GRIA4: variants seen among roughly 807,000 people sequenced by gnomAD.
GRIA4 encodes glutamate receptor 4.
In GRIA4, 34 loss-of-function variants were observed where a neutral mutation model predicts 104.0. That is an observed-to-expected ratio of 0.33 (90% CI 0.25 to 0.44). GRIA4 has a LOEUF of 0.44. Among genes scored for constraint, GRIA4 ranks in the 20% least tolerant of loss-of-function variants. The probability of loss-of-function intolerance (pLI) is 1.00; values close to 1 mark genes in which losing one functional copy is unlikely to be tolerated. For synonymous variants in GRIA4, 386 were observed against 381.9 expected (o/e 1.01, Z -0.13); for missense variants, 750 against 1,096.5 (o/e 0.68, Z 4.46).
chr11:105,935,495 GAATATAT>G (rs1948007547), intron 14 of GRIA4, among the ~76,000 whole-genome samples: 1 of 152,140 alleles, frequency 6.6e-6, no homozygotes, highest in Non-Finnish European at 1.5e-5. Flanking sequence ...GCAATATGAA[GAATATAT>G]AATTTCAATG....
At chr11:105,865,601 A>C (rs557187350) in intron 5 of GRIA4, among the ~76,000 whole-genome samples, 1 of 152,302 alleles carries the variant, frequency 6.6e-6, no homozygotes, top group Non-Finnish European at 1.5e-5. Context: ...AGCTGGAATC[A>C]AAAGAACCGT....
chr11:105,881,233 C>T (rs142742877), intron 5 of GRIA4, among the ~76,000 whole-genome samples: 22 of 152,244 alleles, frequency 1.4e-4, no homozygotes, highest in African/African-American at 4.1e-4. Flanking sequence ...CAACTCCTCT[C>T]AGGAATTGTA....
intron 10 of GRIA4, among the ~76,000 whole-genome samples, chr11:105,910,863 G>A (rs2033155468): frequency 6.6e-6 from 1 of 151,942 alleles, no homozygotes; most frequent in African/African-American, 2.4e-5. Context: ...ACATGCCAAA[G>A]GTCAACCACC....
intron 4 of GRIA4, among the ~76,000 whole-genome samples, chr11:105,792,582 C>T (rs1337233433): frequency 6.6e-6 from 1 of 152,018 alleles, no homozygotes; most frequent in Non-Finnish European, 1.5e-5. Context: ...CATGCCTTAC[C>T]TTTATATTAG....
At chr11:105,908,089 G>T (rs962019698) in intron 9 of GRIA4, among the ~76,000 whole-genome samples, 5 of 152,110 alleles carry the variant, frequency 3.3e-5, no homozygotes, top group African/African-American at 1.2e-4. Flanking sequence ...ACTTTGAGTA[G>T]AACAGGAGCT....
chr11:105,669,050 G>T lies in GRIA4; in HGVS notation c.247+56616G>T, dbSNP rs140991779. Among the ~76,000 whole-genome samples the T allele has an allele frequency of 2.3e-4, 35 of 151,988 alleles. No individual in the cohort carries two copies. The East Asian group carries it at 6.6e-3, about 29-fold the overall frequency. ...CTTAGAGTGCATACCTTTCAGCAGT[G>T]TGTGCAGAAAAGTTGAAGTCATTTT... On this transcript the variant is annotated intron_variant, in intron 3 of 16. Transcript: ENST00000282499.
chr11:105,887,745 A>G (rs904112987), intron 6 of GRIA4, among the ~76,000 whole-genome samples, 173 bp downstream of exon 6: 3 of 152,276 alleles, frequency 2.0e-5, no homozygotes, highest in African/African-American at 7.2e-5. Flanking sequence ...AATTCAATAT[A>G]TTTTTATGCA....
At chr11:105,899,995 A>C (rs1468631443) in intron 7 of GRIA4, among the ~76,000 whole-genome samples, 2 of 152,214 alleles carry the variant, frequency 1.3e-5, no homozygotes, top group African/African-American at 4.8e-5. Context: ...TGCAGAAAAC[A>C]TGGCACTAAA....
intron 4 of GRIA4, among the ~76,000 whole-genome samples, chr11:105,755,576 G>C (rs950934251): frequency 1.3e-5 from 2 of 152,162 alleles, no homozygotes; most frequent in Non-Finnish European, 2.9e-5. Flanking sequence ...TGGATGCTAT[G>C]ATAGTTAATT....
At chr11:105,743,466 T>C (rs1489543334) in intron 3 of GRIA4, among the ~76,000 whole-genome samples, 1 of 152,206 alleles carries the variant, frequency 6.6e-6, no homozygotes, top group African/African-American at 2.4e-5. Context: ...CAATAATATC[T>C]GCTATTATTT....
At chr11:105,617,505 A>G (rs1304143726) in intron 3 of GRIA4, among the ~76,000 whole-genome samples, 1 of 151,980 alleles carries the variant, frequency 6.6e-6, no homozygotes, top group Non-Finnish European at 1.5e-5. Context: ...GATAACATCT[A>G]TATTGAGCCT....
intron 4 of GRIA4, among the ~76,000 whole-genome samples, chr11:105,765,600 C>T (rs1247398392): frequency 1.3e-5 from 2 of 152,204 alleles, no homozygotes; most frequent in Non-Finnish European, 2.9e-5. Flanking sequence ...TTCAAATCTT[C>T]CTGGGTCTGA....
chr11:105,824,102 G>A (rs1416018477), intron 4 of GRIA4, among the ~76,000 whole-genome samples: 8 of 152,054 alleles, frequency 5.3e-5, no homozygotes, highest in Non-Finnish European at 7.4e-5. Flanking sequence ...TCTAATCTCC[G>A]GAACTGTGAA....
At chr11:105,894,010 A>C (rs1282067475) in intron 6 of GRIA4, among the ~76,000 whole-genome samples, 1 of 152,190 alleles carries the variant, frequency 6.6e-6, no homozygotes, top group African/African-American at 2.4e-5. Flanking sequence ...GGCATATAAT[A>C]GGCATGAAAT....
chr11:105,792,998 A>G (rs1942282917), intron 4 of GRIA4, among the ~76,000 whole-genome samples: 1 of 152,202 alleles, frequency 6.6e-6, no homozygotes, highest in Non-Finnish European at 1.5e-5. Flanking sequence ...GGCATTTCAG[A>G]TTCTCAAACT....
intron 4 of GRIA4, among the ~76,000 whole-genome samples, chr11:105,842,150 G>A (rs1253199622): frequency 6.6e-6 from 1 of 152,120 alleles, no homozygotes; most frequent in Non-Finnish European, 1.5e-5. Context: ...CCTAAGGAGA[G>A]AATATACCTT....
At chr11:105,760,922 G>A (rs189586148) in intron 4 of GRIA4, among the ~76,000 whole-genome samples, 1 of 151,972 alleles carries the variant, frequency 6.6e-6, no homozygotes, top group Admixed American at 6.6e-5. Context: ...ATTTATTTCT[G>A]ATTTTTAGCT....
At chr11:105,898,528 A>T in intron 7 of GRIA4, 101 bp downstream of exon 7, 2 of 715,026 alleles carry the variant, frequency 2.8e-6, no homozygotes, top group Non-Finnish European at 4.8e-6. Flanking sequence ...CAAACATAGT[A>T]TGGCATGGGA....
chr11:105,820,383 C>T (rs543379857), intron 4 of GRIA4, among the ~76,000 whole-genome samples: 2 of 152,208 alleles, frequency 1.3e-5, no homozygotes, highest in Admixed American at 6.6e-5. Flanking sequence ...TCACTCCAGC[C>T]GTGCTCTTCA....
Sources: allele counts gnomAD v4.1 joint callset (sites outside exome capture counted in the v4.1 genomes callset), GRCh38; gene constraint gnomAD v4.1.1; transcripts MANE v1.5; gene names NCBI Gene and HGNC (gene_info 2026-07-23, HGNC 2026-07-21).